NAA50: variants seen among roughly 807,000 people sequenced by gnomAD.
The protein encoded by NAA50 is N-alpha-acetyltransferase 50.
In NAA50, 7 loss-of-function variants were observed where a neutral mutation model predicts 20.7. The ratio of observed to expected loss-of-function variants is 0.34; its 90% confidence interval spans 0.19 to 0.63. The LOEUF (loss-of-function observed/expected upper bound fraction) is 0.63, where lower values mean the gene tolerates loss of function less well. Ranked by LOEUF, NAA50 falls within the 30% of genes least tolerant of loss-of-function variation. The pLI, the probability that NAA50 is intolerant of heterozygous loss-of-function variation, is 0.75. For missense variants in NAA50, 111 were observed against 199.1 expected (o/e 0.56, Z 2.66); for synonymous variants, 54 against 70.6 (o/e 0.77, Z 1.18).
At chr3:113,722,074 T>C in intron 4 of NAA50, 137 bp from the exon 5 acceptor site, 2 of 745,340 alleles carry the variant, frequency 2.7e-6, no homozygotes, top group Non-Finnish European at 4.2e-6. Flanking sequence ...TAGGCATGCT[T>C]ACCTAAAACC....
chr3:113,725,747 G>A (rs1360250297), intron 1 of NAA50, among the ~76,000 whole-genome samples: 1 of 152,078 alleles, frequency 6.6e-6, no homozygotes, highest in Non-Finnish European at 1.5e-5. Context: ...CAGCCTGGGT[G>A]ACAGACTGTC....
chr3:113,728,496 G>A (rs1048694035), intron 1 of NAA50, among the ~76,000 whole-genome samples: 1 of 152,224 alleles, frequency 6.6e-6, no homozygotes. Flanking sequence ...AGCTTATCCT[G>A]TGGAAGGGCA....
At chr3:113,739,941 G>A (rs1219943792) in intron 1 of NAA50, among the ~76,000 whole-genome samples, 1 of 152,092 alleles carries the variant, frequency 6.6e-6, no homozygotes, top group African/African-American at 2.4e-5. Flanking sequence ...ACAAAAAAAA[G>A]TTTAGTATTC....
intron 1 of NAA50, among the ~76,000 whole-genome samples, chr3:113,745,350 G>A (rs1325848464): frequency 1.3e-5 from 2 of 152,052 alleles, no homozygotes; most frequent in Non-Finnish European, 1.5e-5. Context: ...AAATATGTTG[G>A]CACCCCAAGT....
At position 113,745,799 on chromosome 3, in the gene NAA50, G is replaced by T. The variant is rs1708487486; in HGVS notation, c.8+143C>A. On this transcript the variant is annotated intron_variant, in intron 1 of 4. Coordinates refer to ENST00000240922, the MANE Select transcript of NAA50 (RefSeq NM_025146.4). Reference sequence around the variant, plus strand: ...AGCCTCGCCTCCGCCCCCTCCGGGAGCCGAGGGAACTGAGAAGCAGAGAAA... The same window carrying T: ...AGCCTCGCCTCCGCCCCCTCCGGGATCCGAGGGAACTGAGAAGCAGAGAAA... The T allele has an allele frequency of 4.0e-6, 4 of 1,010,350 alleles. No homozygotes were observed. The East Asian group carries it at 1.3e-4, about 32-fold the overall frequency. The allele number at this position is 1,010,350 out of a possible 1,614,324, so 62.6% of individuals were successfully genotyped here. A position where few individuals can be genotyped will look rare whatever the true frequency, so the allele number is the denominator to read the frequency against.
chr3:113,733,377 G>C (rs531370623), intron 1 of NAA50, among the ~76,000 whole-genome samples: 1 of 151,890 alleles, frequency 6.6e-6, no homozygotes, highest in East Asian at 1.9e-4. Flanking sequence ...ATTAGCGTAA[G>C]AGATAAGGCA....
chr3:113,733,967 A>G (rs142551344), intron 1 of NAA50, among the ~76,000 whole-genome samples: 2 of 152,194 alleles, frequency 1.3e-5, no homozygotes, highest in African/African-American at 4.8e-5. Context: ...GTGCCCCAGC[A>G]AAAAAGGAAA....
chr3:113,743,502 T>C (rs986670719), intron 1 of NAA50, among the ~76,000 whole-genome samples: 1 of 152,184 alleles, frequency 6.6e-6, no homozygotes, highest in African/African-American at 2.4e-5. Context: ...GCTTAACTTA[T>C]TTTAAACCTA....
chr3:113,734,354 T>C (rs1018091583), intron 1 of NAA50, among the ~76,000 whole-genome samples: 4 of 152,122 alleles, frequency 2.6e-5, no homozygotes, highest in Non-Finnish European at 5.9e-5. Context: ...CTGGGTATCA[T>C]GCTCACTACC....
At chr3:113,741,570 T>A (rs1039198599) in intron 1 of NAA50, among the ~76,000 whole-genome samples, 1 of 152,052 alleles carries the variant, frequency 6.6e-6, no homozygotes, top group Non-Finnish European at 1.5e-5. Context: ...GAAGAAAAAA[T>A]TAGGAGTCCC....
At chr3:113,736,326 G>A (rs1708340893) in intron 1 of NAA50, among the ~76,000 whole-genome samples, 1 of 152,126 alleles carries the variant, frequency 6.6e-6, no homozygotes. Context: ...ATAAGAAACC[G>A]CTACTGCCAA....
chr3:113,733,853 C>CAAA lies in NAA50; in HGVS notation c.9-9761_9-9759dup, dbSNP rs58431115. 7.3e-3 allele frequency among the ~76,000 whole-genome samples: 497 copies of CAAA among 68,318 alleles called. 18 individuals are homozygous for CAAA. Among genetic ancestry groups the CAAA allele is most frequent in the African/African-American group, 0.027 (436 of 16,338 alleles). The allele number at this position is 68,318 out of a possible 152,430, so 44.8% of individuals were successfully genotyped here. ...GGGTGACAGAGCAAGACTCTGTCTCCAAAAAAAAAAAAAAAAAAAAAAAGA... is the reference window on the plus strand; with the variant it reads ...GGGTGACAGAGCAAGACTCTGTCTCCAAAAAAAAAAAAAAAAAAAAAAAAAAGA... On this transcript the variant is annotated intron_variant, in intron 1 of 4. Coordinates refer to ENST00000240922, the MANE Select transcript of NAA50 (RefSeq NM_025146.4).
At chr3:113,742,111 T>C (rs2107995953) in intron 1 of NAA50, among the ~76,000 whole-genome samples, 1 of 152,316 alleles carries the variant, frequency 6.6e-6, no homozygotes, top group East Asian at 1.9e-4. Flanking sequence ...TTTGTTAAAA[T>C]TCACTATCTC....
At chr3:113,743,334 A>G (rs1002590999) in intron 1 of NAA50, among the ~76,000 whole-genome samples, 1 of 152,196 alleles carries the variant, frequency 6.6e-6, no homozygotes, top group African/African-American at 2.4e-5. Flanking sequence ...CTGTTTACTT[A>G]CCTCAATATA....
At position 113,719,564 on chromosome 3, in the gene NAA50, TTAAC is replaced by T. The variant is rs1156491145; in HGVS notation, c.*2192_*2195del. 6.6e-6 allele frequency: 1 copy of T among 152,658 alleles called. No homozygotes were observed. The highest frequency in any genetic ancestry group is 2.4e-5 in the African/African-American group (1 of 41,572). 9.5% of individuals were successfully genotyped at this position (152,658 alleles called of 1,614,324 possible). A position where few individuals can be genotyped will look rare whatever the true frequency, so the allele number is the denominator to read the frequency against. On this transcript the variant is annotated 3_prime_UTR_variant, in exon 5 of 5. Coordinates refer to ENST00000240922, the MANE Select transcript of NAA50 (RefSeq NM_025146.4). The stretch of plus-strand genomic sequence containing the variant: ...CTCCTCCATAAGTGGATGGAATTAT[TTAAC>T]TAAGTTTGATGTAGGACAATTAACC...
chr3:113,745,856 T>TC, intron 1 of NAA50, 86 bp downstream of exon 1: 1 of 1,472,676 alleles, frequency 6.8e-7, no homozygotes, highest in South Asian at 1.2e-5. Context: ...CCTGAATCTC[T>TC]CCTCGCCTTT....
intron 1 of NAA50, among the ~76,000 whole-genome samples, chr3:113,726,348 C>T (rs1028073935): frequency 1.3e-5 from 2 of 152,126 alleles, no homozygotes; most frequent in African/African-American, 2.4e-5. Context: ...AAGTATTTGA[C>T]AACTATAATG....
At chr3:113,738,673 T>C (rs906621154) in intron 1 of NAA50, among the ~76,000 whole-genome samples, 1 of 152,230 alleles carries the variant, frequency 6.6e-6, no homozygotes, top group African/African-American at 2.4e-5. Flanking sequence ...TCATTTGTGG[T>C]ACATAAAACT....
chr3:113,732,618 G>T (rs1351023504), intron 1 of NAA50, among the ~76,000 whole-genome samples: 1 of 152,188 alleles, frequency 6.6e-6, no homozygotes, highest in Non-Finnish European at 1.5e-5. Flanking sequence ...TTTGTGGTGT[G>T]TCTGTTTCCT....
Sources: allele counts gnomAD v4.1 joint callset (sites outside exome capture counted in the v4.1 genomes callset), GRCh38; gene constraint gnomAD v4.1.1; transcripts MANE v1.5; gene names NCBI Gene and HGNC (gene_info 2026-07-23, HGNC 2026-07-21).